The following EIF5AL1 variants were observed in gnomAD, a reference collection of about 807,000 sequenced individuals.
EIF5AL1 encodes eukaryotic translation initiation factor 5A-1-like.
Under a neutral mutation model 9.0 loss-of-function variants are expected in EIF5AL1, and 4 were observed. The ratio of observed to expected loss-of-function variants is 0.45; its 90% CI spans 0.22 to 1.02. The LOEUF is 1.02. EIF5AL1 is among the 50% of genes least tolerant of loss of function. EIF5AL1 has a pLI of 0.24. For synonymous variants in EIF5AL1, 40 were observed against 75.7 expected (o/e 0.53, Z 2.45); for missense variants, 58 against 194.1 (o/e 0.30, Z 4.17).
Position 79,512,906 on chromosome 10 carries a change from G to A in EIF5AL1, c.257G>A (p.Arg86Lys). ...THNMDVPNIK[R>K]NDFQLIGIQD... is the part of the protein sequence containing the mutation. ...AATATGGATGTCCCCAACATCAAAA[G>A]GAATGACTTCCAGCTGATTGGCATC... is the stretch of plus-strand genomic sequence containing the variant. The change falls in exon 1 of 1, where the codon AGG becomes AAG. Residue 86 changes from arginine to lysine, a missense_variant. Arg to Lys is a conservative substitution (Grantham distance 26). Transcript: ENST00000520547. The A allele has an allele frequency of 6.2e-7, 1 of 1,613,980 alleles. No homozygotes were observed.
chr10:79,513,077 A>T lies in EIF5AL1; in HGVS notation c.428A>T (p.Glu143Val), dbSNP rs1476172724. ...ILITVLSAMT[E>V]EAAVAIKAMA... Reference sequence around the variant, plus strand: ...ATCACGGTGCTGTCTGCCATGACAGAGGAGGCAGCTGTTGCAATCAAGGCC... The same window carrying T: ...ATCACGGTGCTGTCTGCCATGACAGTGGAGGCAGCTGTTGCAATCAAGGCC... The change falls in exon 1 of 1, where the codon GAG becomes GTG. Residue 143 changes from glutamate (E) to valine (V), a missense_variant. Physicochemically the swap from Glu to Val is moderately radical, Grantham distance 121 (BLOSUM62 -2). Coordinates refer to ENST00000520547, the MANE Select transcript of EIF5AL1 (RefSeq NM_001099692.2). The T allele has an allele frequency of 2.2e-5, 36 of 1,612,666 alleles. No homozygotes were observed. The highest frequency in any genetic ancestry group is 1.6e-4 in the Middle Eastern group (1 of 6,078).
In EIF5AL1 at chr10:79,513,308, C is replaced by A; in HGVS notation, c.*194C>A. 1.5e-6 allele frequency: 1 copy of A among 683,694 alleles called. No individual in the cohort carries two copies. The highest frequency in any genetic ancestry group is 1.9e-5 in the South Asian group (1 of 52,434). 42.4% of individuals were successfully genotyped at this position (683,694 alleles called of 1,614,324 possible). A position where few individuals can be genotyped will look rare whatever the true frequency, so the allele number is the denominator to read the frequency against. On this transcript the variant is annotated 3_prime_UTR_variant, in exon 1 of 1. Coordinates refer to ENST00000520547, the MANE Select transcript of EIF5AL1 (RefSeq NM_001099692.2). ...CTGCCCTTCACCTAGCTCCCTTGGC[C>A]AGGAGCGAGCGAAGCCATGGCCTTG...
In EIF5AL1 at chr10:79,516,382, G is replaced by A. The variant is rs1858233268; in HGVS notation, c.*3268G>A. 1 of 167,102 alleles carries A rather than the reference G, an allele frequency of 6.0e-6. No individual in the cohort carries two copies. The highest frequency in any genetic ancestry group is 1.5e-5 in the Non-Finnish European group (1 of 68,126). The allele number at this position is 167,102 out of a possible 1,614,324, so 10.4% of individuals were successfully genotyped here. A position where few individuals can be genotyped will look rare whatever the true frequency, so the allele number is the denominator to read the frequency against. ...ATGTTGAAGGGCAGTGCCAAATGAT[G>A]TGTAATTATCTAGGTTGTAAAAATA... On this transcript the variant is annotated 3_prime_UTR_variant, in exon 1 of 1. Transcript: ENST00000520547.
chr10:79,516,040 G>A lies in EIF5AL1; in HGVS notation c.*2926G>A, dbSNP rs1858227515. The A allele has an allele frequency of 6.0e-6, 1 of 167,058 alleles. No individual in the cohort carries two copies. Among genetic ancestry groups the A allele is most frequent in the Non-Finnish European group, 1.5e-5 (1 of 68,120 alleles). The allele number at this position is 167,058 out of a possible 1,614,324, so 10.3% of individuals were successfully genotyped here. A position where few individuals can be genotyped will look rare whatever the true frequency, so the allele number is the denominator to read the frequency against. On this transcript the variant is annotated 3_prime_UTR_variant, in exon 1 of 1. Coordinates refer to ENST00000520547, the MANE Select transcript of EIF5AL1 (RefSeq NM_001099692.2). ...AGCAGCTGGCCCAGTTTGCAGCTAG[G>A]AGAAATGTCAAACACATGAAGAAAT...
rs536480766 is a variant in EIF5AL1 at position 79,512,928 on chromosome 10, C to T, written c.279C>T (p.Gly93=). The change falls in exon 1 of 1, where the codon GGC becomes GGT. Residue 93 remains glycine, a synonymous_variant. Coordinates refer to ENST00000520547, the MANE Select transcript of EIF5AL1 (RefSeq NM_001099692.2). ...AAAGGAATGACTTCCAGCTGATTGG[C>T]ATCCAGGATGGGTACCTATCACTGC... ...NIKRNDFQLI[G]IQDGYLSLLQ... The T allele has an allele frequency of 6.2e-6, 10 of 1,613,948 alleles. 1 individual carries two copies. In the African/African-American group the frequency reaches 1.1e-4, roughly 17 times the overall value.
In EIF5AL1 at chr10:79,512,628, G is replaced by GT. The variant is rs1335772007; in HGVS notation, c.-20dup. 3 of 912,374 alleles carry GT rather than the reference G, an allele frequency of 3.3e-6. No homozygotes were observed. In the African/African-American group the frequency reaches 5.0e-5, roughly 15 times the overall value. 56.5% of individuals were successfully genotyped at this position (912,374 alleles called of 1,614,324 possible). ...GGTCGAGTCAGTGCCGTTTGCGCCA[G>GT]TTGGAATCGAAGCCTCTTAAAATGG... On this transcript the variant is annotated 5_prime_UTR_variant, in exon 1 of 1. Transcript: ENST00000520547.
chr10:79,512,764 A>G lies in EIF5AL1; in HGVS notation c.115A>G (p.Lys39Glu). The change falls in exon 1 of 1, where the codon AAG becomes GAG. Residue 39 changes from lysine to glutamate, a missense_variant. Physicochemically the swap from Lys to Glu is moderately conservative, Grantham distance 56. Around this residue, in one of 2 missense-constraint regions of EIF5AL1, gnomAD observed 10 missense variants for 89.7 expected, o/e 0.11. Coordinates refer to ENST00000520547, the MANE Select transcript of EIF5AL1 (RefSeq NM_001099692.2). ...GFVVLKGWPC[K>E]IVEMSASKTG... is the part of the protein sequence containing the mutation. ...TGTGGTGCTCAAAGGCTGGCCATGT[A>G]AGATCGTGGAGATGTCTGCTTCGAA... is the stretch of plus-strand genomic sequence containing the variant. 6 of 1,593,688 alleles carry G rather than the reference A, an allele frequency of 3.8e-6. No individual in the cohort carries two copies. The South Asian group carries it at 6.7e-5, about 18-fold the overall frequency.
At position 79,515,479 on chromosome 10, in the gene EIF5AL1, G is replaced by T. The variant is rs1359865235; in HGVS notation, c.*2365G>T. 5.9e-6 allele frequency: 1 copy of T among 168,274 alleles called. No homozygotes were observed. The highest frequency in any genetic ancestry group is 1.4e-5 in the Non-Finnish European group (1 of 69,040). 10.4% of individuals were successfully genotyped at this position (168,274 alleles called of 1,614,324 possible). ...ATTATCACGTTATACATTTTTTACC[G>T]CAGGTTAAAATGTTTCACAGGTTGA... On this transcript the variant is annotated 3_prime_UTR_variant, in exon 1 of 1. Coordinates refer to ENST00000520547, the MANE Select transcript of EIF5AL1 (RefSeq NM_001099692.2).
chr10:79,516,269 A>G lies in EIF5AL1; in HGVS notation c.*3155A>G, dbSNP rs1195938819. The G allele has an allele frequency of 2.4e-5, 4 of 167,084 alleles. No homozygotes were observed. Among genetic ancestry groups the G allele is most frequent in the African/African-American group, 4.8e-5 (2 of 41,456 alleles). 10.4% of individuals were successfully genotyped at this position (167,084 alleles called of 1,614,324 possible). ...AAAAAACTTCCCCCAGTTCACATCAAAAATTCTCTCTTCAGGACTAAGTTG... is the reference window on the plus strand; with the variant it reads ...AAAAAACTTCCCCCAGTTCACATCAGAAATTCTCTCTTCAGGACTAAGTTG... On this transcript the variant is annotated 3_prime_UTR_variant, in exon 1 of 1. Transcript: ENST00000520547.
chr10:79,515,468 C>T lies in EIF5AL1; in HGVS notation c.*2354C>T. The T allele has an allele frequency of 5.9e-6, 1 of 168,618 alleles. No individual in the cohort carries two copies. The highest frequency in any genetic ancestry group is 1.4e-5 in the Non-Finnish European group (1 of 69,104). 10.4% of individuals were successfully genotyped at this position (168,618 alleles called of 1,614,324 possible). A position where few individuals can be genotyped will look rare whatever the true frequency, so the allele number is the denominator to read the frequency against. On this transcript the variant is annotated 3_prime_UTR_variant, in exon 1 of 1. Coordinates refer to ENST00000520547, the MANE Select transcript of EIF5AL1 (RefSeq NM_001099692.2). Reference sequence around the variant, plus strand: ...TTAAGATGGTAATTATCACGTTATACATTTTTTACCGCAGGTTAAAATGTT... The same window carrying T: ...TTAAGATGGTAATTATCACGTTATATATTTTTTACCGCAGGTTAAAATGTT...
chr10:79,512,973 A>G lies in EIF5AL1; in HGVS notation c.324A>G (p.Val108=), dbSNP rs377107792. ...YLSLLQDSGE[V]PEDLRLPEGD... is the part of the protein sequence containing the mutation. ...CACTGCTCCAGGACAGCGGGGAGGT[A>G]CCAGAGGACCTTCGTCTCCCTGAGG... Residue 108 remains valine, a synonymous_variant, in exon 1 of 1, where the codon GTA becomes GTG. Coordinates refer to ENST00000520547, the MANE Select transcript of EIF5AL1 (RefSeq NM_001099692.2). 8.3e-4 allele frequency: 1,345 copies of G among 1,613,496 alleles called. 8 individuals carry two copies. The African/African-American group carries it at 0.014, about 17-fold the overall frequency.
At position 79,514,349 on chromosome 10, in the gene EIF5AL1, G is replaced by A. The variant is rs1335075946; in HGVS notation, c.*1235G>A. 2.4e-5 allele frequency: 4 copies of A among 167,108 alleles called. No homozygotes were observed. The highest frequency in any genetic ancestry group is 4.4e-5 in the Non-Finnish European group (3 of 68,136). 10.4% of individuals were successfully genotyped at this position (167,108 alleles called of 1,614,324 possible). A position where few individuals can be genotyped will look rare whatever the true frequency, so the allele number is the denominator to read the frequency against. Reference sequence around the variant, plus strand: ...TTTGCACCATGTGGAGGACTAGATGGAAAACAAGTAGACTGAGGGTCTGCT... The same window carrying A: ...TTTGCACCATGTGGAGGACTAGATGAAAAACAAGTAGACTGAGGGTCTGCT... On this transcript the variant is annotated 3_prime_UTR_variant, in exon 1 of 1. Transcript: ENST00000520547.
rs1485558366 is a variant in EIF5AL1, at chr10:79,512,868, C to T, written c.219C>T (p.Cys73=). ...IFTGKKYEDI[C]PSTHNMDVPN... ...CTGGGAAGAAATATGAAGATATCTGCCCGTCAACTCATAATATGGATGTCC... is the reference window on the plus strand; with the variant it reads ...CTGGGAAGAAATATGAAGATATCTGTCCGTCAACTCATAATATGGATGTCC... The change falls in exon 1 of 1, where the codon TGC becomes TGT. Residue 73 remains cysteine (C), a synonymous_variant. Coordinates refer to ENST00000520547, the MANE Select transcript of EIF5AL1 (RefSeq NM_001099692.2). 6.2e-7 allele frequency: 1 copy of T among 1,613,664 alleles called. No individual in the cohort carries two copies. The highest frequency in any genetic ancestry group is 1.3e-5 in the African/African-American group (1 of 74,858).
In EIF5AL1 at chr10:79,513,003, C is replaced by T. The variant is rs560456185; in HGVS notation, c.354C>T (p.Asp118=). 1.2e-6 allele frequency: 2 copies of T among 1,611,990 alleles called. No individual in the cohort carries two copies. The highest frequency in any genetic ancestry group is 1.1e-5 in the South Asian group (1 of 90,996). ...AGGACCTTCGTCTCCCTGAGGGAGA[C>T]CTTGGCAAGGAGATTGAGCAGAAGT... is the stretch of plus-strand genomic sequence containing the variant. ...VPEDLRLPEG[D]LGKEIEQKYD... is the part of the protein sequence containing the mutation. The change falls in exon 1 of 1, where the codon GAC becomes GAT. Residue 118 remains aspartate (D), a synonymous_variant. Transcript: ENST00000520547.
In EIF5AL1 at chr10:79,515,870, G is replaced by T. The variant is rs116942435; in HGVS notation, c.*2756G>T. 22,966 of 166,448 alleles carry T rather than the reference G, an allele frequency of 0.14. 1,673 individuals are homozygous for T. The highest frequency in any genetic ancestry group is 0.2 in the Middle Eastern group (60 of 296). The allele number at this position is 166,448 out of a possible 1,614,324, so 10.3% of individuals were successfully genotyped here. On this transcript the variant is annotated 3_prime_UTR_variant, in exon 1 of 1. Coordinates refer to ENST00000520547, the MANE Select transcript of EIF5AL1 (RefSeq NM_001099692.2). Reference sequence around the variant, plus strand: ...ACATCTTTAAAGTTCTGTGTAGAATGTTTTTTTTCTGATTTCTTCACATAC... The same window carrying T: ...ACATCTTTAAAGTTCTGTGTAGAATTTTTTTTTTCTGATTTCTTCACATAC...
Position 79,513,970 on chromosome 10 carries a change from G to A in EIF5AL1, c.*856G>A, listed in dbSNP as rs1042813464. The A allele has an allele frequency of 6.0e-6, 1 of 167,022 alleles. No homozygotes were observed. Among genetic ancestry groups the A allele is most frequent in the Non-Finnish European group, 1.5e-5 (1 of 68,108 alleles). The allele number at this position is 167,022 out of a possible 1,614,324, so 10.3% of individuals were successfully genotyped here. ...TGTCCCCACCCTAAAGGAGTTCACA[G>A]TTTAACGCAAATGAGAAGCCAGTGA... is the stretch of plus-strand genomic sequence containing the variant. On this transcript the variant is annotated 3_prime_UTR_variant, in exon 1 of 1. Transcript: ENST00000520547.
chr10:79,513,289 T>C lies in EIF5AL1; in HGVS notation c.*175T>C, dbSNP rs566778560. On this transcript the variant is annotated 3_prime_UTR_variant, in exon 1 of 1. Coordinates refer to ENST00000520547, the MANE Select transcript of EIF5AL1 (RefSeq NM_001099692.2). ...TCAATCTGTCAGGGAGCCCCTGCCCTTCACCTAGCTCCCTTGGCCAGGAGC... is the reference window on the plus strand; with the variant it reads ...TCAATCTGTCAGGGAGCCCCTGCCCCTCACCTAGCTCCCTTGGCCAGGAGC... The C allele has an allele frequency of 2.7e-5, 19 of 707,650 alleles. No individual in the cohort carries two copies. The South Asian group carries it at 3.5e-4, about 13-fold the overall frequency. 43.8% of individuals were successfully genotyped at this position (707,650 alleles called of 1,614,324 possible). A position where few individuals can be genotyped will look rare whatever the true frequency, so the allele number is the denominator to read the frequency against.
At position 79,514,511 on chromosome 10, in the gene EIF5AL1, G is replaced by C. The variant is rs1160451823; in HGVS notation, c.*1397G>C. On this transcript the variant is annotated 3_prime_UTR_variant, in exon 1 of 1. Transcript: ENST00000520547. Reference sequence around the variant, plus strand: ...TCACTGATAACCTCAATTGCGGATGGTATGGAGGGTGTCTAGGTGTGCTAG... The same window carrying C: ...TCACTGATAACCTCAATTGCGGATGCTATGGAGGGTGTCTAGGTGTGCTAG... 6.0e-6 allele frequency: 1 copy of C among 166,950 alleles called. No homozygotes were observed. Among genetic ancestry groups the C allele is most frequent in the Non-Finnish European group, 1.5e-5 (1 of 68,096 alleles). The allele number at this position is 166,950 out of a possible 1,614,324, so 10.3% of individuals were successfully genotyped here.
rs1340055805 is a variant in EIF5AL1, at chr10:79,513,844, G to T, written c.*730G>T. 6.0e-6 allele frequency: 1 copy of T among 167,250 alleles called. No individual in the cohort carries two copies. Among genetic ancestry groups the T allele is most frequent in the Non-Finnish European group, 1.5e-5 (1 of 68,304 alleles). 10.4% of individuals were successfully genotyped at this position (167,250 alleles called of 1,614,324 possible). ...CTTCAAAGAGAAAGTTCATGCACTTGTTTCTGACCACCCAGGGCACCCTTC... is the reference window on the plus strand; with the variant it reads ...CTTCAAAGAGAAAGTTCATGCACTTTTTTCTGACCACCCAGGGCACCCTTC... On this transcript the variant is annotated 3_prime_UTR_variant, in exon 1 of 1. Transcript: ENST00000520547.
Sources: gnomAD v4.1 joint callset for allele counts on GRCh38, gnomAD v4.1.1 for gene constraint, gnomAD v4.1.1 regional missense constraint, MANE v1.5 for transcripts, NCBI Gene and HGNC (gene_info 2026-07-23, HGNC 2026-07-21) for gene names.